ADAMTSL1: variants seen among roughly 807,000 people sequenced by gnomAD.
ADAMTSL1 encodes ADAMTS-like protein 1.
ADAMTSL1 carries 126 observed loss-of-function variants against 201.8 expected under a neutral mutation model. The ratio of observed to expected loss-of-function variants is 0.62; its 90% CI spans 0.54 to 0.72. The LOEUF (loss-of-function observed/expected upper bound fraction) is 0.72. ADAMTSL1 is among the 30% of genes least tolerant of loss of function. The probability of loss-of-function intolerance (pLI) is 0.00; values close to 1 mark genes in which losing one functional copy is unlikely to be tolerated. For synonymous variants in ADAMTSL1, 1,121 were observed against 903.4 expected (o/e 1.24, Z -4.32); for missense variants, 2,679 against 2,277.8 (o/e 1.18, Z -3.59).
At chr9:18,440,096 G>T (rs2772398) in intron 2 of ADAMTSL1, among the ~76,000 whole-genome samples, 65,629 of 151,980 alleles carry the variant, frequency 0.43, 14,787 homozygotes, top group Non-Finnish European at 0.47. Flanking sequence ...CTCTTAAAAT[G>T]TATTTATTAT....
At chr9:18,480,953 G>C (rs1821697596) in intron 1 of ADAMTSL1, among the ~76,000 whole-genome samples, 1 of 152,164 alleles carries the variant, frequency 6.6e-6, no homozygotes, top group Non-Finnish European at 1.5e-5. Flanking sequence ...TCCTGGGACA[G>C]AGTGGGATCA....
intron 4 of ADAMTSL1, among the ~76,000 whole-genome samples, chr9:18,588,868 C>T (rs1235134173): frequency 7.9e-5 from 9 of 113,730 alleles, no homozygotes; most frequent in African/African-American, 3.2e-4. Flanking sequence ...AGCTTTGTGC[C>T]ATATATATAC....
chr9:18,505,562 G>A (rs1044303036), intron 2 of ADAMTSL1, among the ~76,000 whole-genome samples: 15 of 152,300 alleles, frequency 9.8e-5, no homozygotes, highest in Admixed American at 2.6e-4. Flanking sequence ...TAAGCTAAAA[G>A]GAAAGGGCCT....
Position 18,647,326 on chromosome 9 carries a change from T to C in ADAMTSL1, c.834+7915T>C, listed in dbSNP as rs565787671. Among the ~76,000 whole-genome samples, 6 of 151,466 alleles carry C rather than the reference T, an allele frequency of 4.0e-5. No homozygotes were observed. In the South Asian group the frequency reaches 1.0e-3, roughly 27 times the overall value. ...GTGGTCTATCAATTTTGTTGATCCT[T>C]TCAAAAAACCAGCTCCTGGATTCAT... On this transcript the variant is annotated intron_variant, in intron 7 of 28. Coordinates refer to ENST00000380548, the MANE Select transcript of ADAMTSL1 (RefSeq NM_001040272.6).
At chr9:18,532,076 A>C (rs1564023921) in intron 2 of ADAMTSL1, among the ~76,000 whole-genome samples, 1 of 152,226 alleles carries the variant, frequency 6.6e-6, no homozygotes, top group Non-Finnish European at 1.5e-5. Context: ...GTATTAGTAT[A>C]ATCATTCTCA....
chr9:18,380,151 C>A (rs539728159), intron 2 of ADAMTSL1, among the ~76,000 whole-genome samples: 1 of 152,150 alleles, frequency 6.6e-6, no homozygotes, highest in African/African-American at 2.4e-5. Flanking sequence ...ATTTTAACAG[C>A]CTTTCCTCCA....
intron 23 of ADAMTSL1, among the ~76,000 whole-genome samples, chr9:18,869,039 A>G (rs1238533347): frequency 6.6e-6 from 1 of 152,218 alleles, no homozygotes; most frequent in Non-Finnish European, 1.5e-5. Flanking sequence ...TCCTTATGGA[A>G]AGGTGAAATT....
Position 18,699,438 on chromosome 9 carries a change from C to T in ADAMTSL1, c.1575-7309C>T, listed in dbSNP as rs552150392. On this transcript the variant is annotated intron_variant, in intron 13 of 28. Coordinates refer to ENST00000380548, the MANE Select transcript of ADAMTSL1 (RefSeq NM_001040272.6). Reference sequence around the variant, plus strand: ...CTCCTGGGTGCAAGAGATCCTCCCACCTTAGCCTTCCTGGTCACTGGGACT... The same window carrying T: ...CTCCTGGGTGCAAGAGATCCTCCCATCTTAGCCTTCCTGGTCACTGGGACT... Among the ~76,000 whole-genome samples the T allele has an allele frequency of 2.1e-3, 320 of 151,724 alleles. 1 individual carries two copies. Among genetic ancestry groups the T allele is most frequent in the African/African-American group, 7.3e-3 (303 of 41,364 alleles).
intron 4 of ADAMTSL1, among the ~76,000 whole-genome samples, chr9:18,615,342 C>A (rs777076719): frequency 1.3e-5 from 2 of 152,106 alleles, no homozygotes; most frequent in Non-Finnish European, 2.9e-5. Flanking sequence ...AGGAGGTGAC[C>A]GCAGGTGTTG....
chr9:18,671,728 A>T (rs1358954583), intron 9 of ADAMTSL1, among the ~76,000 whole-genome samples: 2 of 152,140 alleles, frequency 1.3e-5, no homozygotes, highest in African/African-American at 2.4e-5. Context: ...CCATGAAAGG[A>T]TCTCTTTATG....
chr9:18,441,665 G>A (rs1396911041), intron 2 of ADAMTSL1, among the ~76,000 whole-genome samples: 1 of 147,212 alleles, frequency 6.8e-6, no homozygotes, highest in Non-Finnish European at 1.5e-5. Context: ...GACCTGCTGA[G>A]TTTGTAAAAG....
At chr9:18,075,666 C>G (rs1823186852) in intron 1 of ADAMTSL1, among the ~76,000 whole-genome samples, 1 of 152,276 alleles carries the variant, frequency 6.6e-6, no homozygotes, top group South Asian at 2.1e-4. Flanking sequence ...AGATCATAGC[C>G]AACATCGGAA....
intron 2 of ADAMTSL1, among the ~76,000 whole-genome samples, chr9:18,265,620 T>C (rs1832091871): frequency 6.6e-6 from 1 of 152,210 alleles, no homozygotes; most frequent in African/African-American, 2.4e-5. Flanking sequence ...CATTTAACAG[T>C]GCCTGCTAAA....
intron 1 of ADAMTSL1, among the ~76,000 whole-genome samples, chr9:18,492,248 C>T (rs1056370670): frequency 2.0e-5 from 3 of 152,120 alleles, no homozygotes; most frequent in Non-Finnish European, 4.4e-5. Flanking sequence ...CATTCCTTAA[C>T]ACTTGGCTAG....
At chr9:18,196,282 A>C (rs1156886734) in intron 2 of ADAMTSL1, among the ~76,000 whole-genome samples, 1 of 151,982 alleles carries the variant, frequency 6.6e-6, no homozygotes, top group African/African-American at 2.4e-5. Context: ...AAATAACATG[A>C]GTTTATTTGC....
chr9:18,449,632 C>T (rs1196961154), intron 2 of ADAMTSL1, among the ~76,000 whole-genome samples: 1 of 152,060 alleles, frequency 6.6e-6, no homozygotes, highest in African/African-American at 2.4e-5. Flanking sequence ...AGACACATAT[C>T]AGATAAAGGA....
rs75078109 is a variant in ADAMTSL1 at position 18,584,282 on chromosome 9, A to G, written c.474+10016A>G. Among the ~76,000 whole-genome samples the G allele has an allele frequency of 8.1e-3, 1,226 of 152,188 alleles. 14 individuals are homozygous for G. Among genetic ancestry groups the G allele is most frequent in the African/African-American group, 0.028 (1,169 of 41,526 alleles). ...AGTCTCACGATATCTGATGGTTTTA[A>G]AAAGAGGAGTTTCTCTGCACAAGCT... On this transcript the variant is annotated intron_variant, in intron 4 of 28. Coordinates refer to ENST00000380548, the MANE Select transcript of ADAMTSL1 (RefSeq NM_001040272.6).
chr9:18,822,379 A>G (rs1270597428), intron 21 of ADAMTSL1, among the ~76,000 whole-genome samples: 1 of 152,208 alleles, frequency 6.6e-6, no homozygotes. Flanking sequence ...CAGCAGAAAC[A>G]TTAATTCTGA....
chr9:18,657,728 T>C lies in ADAMTSL1; in HGVS notation c.924T>C (p.Pro308=), dbSNP rs758182595. 3 of 1,614,056 alleles carry C rather than the reference T, an allele frequency of 1.9e-6. No homozygotes were observed. Among genetic ancestry groups the C allele is most frequent in the Non-Finnish European group, 2.5e-6 (3 of 1,179,894 alleles). Residue 308 remains proline, a synonymous_variant, in exon 8 of 29, where the codon CCT becomes CCC. Transcript: ENST00000380548. ...IHRWRETDFF[P]CSATCGGGYQ... ...GATGGAGGGAGACGGATTTCTTTCC[T>C]TGCTCAGCAACCTGTGGAGGAGGTA...
Sources: allele counts gnomAD v4.1 joint callset (sites outside exome capture counted in the v4.1 genomes callset), GRCh38; gene constraint gnomAD v4.1.1; transcripts MANE v1.5; gene names NCBI Gene and HGNC (gene_info 2026-07-23, HGNC 2026-07-21).